AMDHD1: variants seen among roughly 807,000 people sequenced by gnomAD.
AMDHD1 encodes amidohydrolase domain containing 1.
In AMDHD1, 45 loss-of-function variants were observed where a neutral mutation model predicts 44.1. That is an observed-to-expected ratio of 1.02 (90% CI 0.80 to 1.31). AMDHD1 has a LOEUF of 1.31. AMDHD1 is among the 50% of genes most tolerant of loss of function. The probability of loss-of-function intolerance (pLI) is 0.00; values close to 1 mark genes in which losing one functional copy is unlikely to be tolerated. For missense variants in AMDHD1, 586 were observed against 552.1 expected (o/e 1.06, Z -0.61); for synonymous variants, 206 against 205.0 (o/e 1.00, Z -0.04).
chr12:95,953,061 A>G (rs141467841), intron 2 of AMDHD1, among the ~76,000 whole-genome samples: 32 of 152,342 alleles, frequency 2.1e-4, no homozygotes, highest in African/African-American at 7.7e-4. Flanking sequence ...ACAGATTAGA[A>G]AATTGAAGCT....
intron 2 of AMDHD1, among the ~76,000 whole-genome samples, chr12:95,953,567 T>C (rs969829359): frequency 1.3e-5 from 2 of 152,174 alleles, no homozygotes; most frequent in Non-Finnish European, 2.9e-5. Context: ...TGACAGAGCT[T>C]CTAACTGATG....
At chr12:95,959,497 C>T (rs1347720540) in intron 4 of AMDHD1, among the ~76,000 whole-genome samples, 1 of 152,136 alleles carries the variant, frequency 6.6e-6, no homozygotes, top group African/African-American at 2.4e-5. Flanking sequence ...CAGCCTCAAA[C>T]TCCTGGGCTC....
At chr12:95,945,785 T>G (rs200587458) in intron 1 of AMDHD1, among the ~76,000 whole-genome samples, 17 of 20,518 alleles carry the variant, frequency 8.3e-4, no homozygotes, top group East Asian at 0.1. Flanking sequence ...CAGTGTGTGT[T>G]TTTTTTTTTC....
At chr12:95,967,728 T>A in intron 8 of AMDHD1, 28 bp from the exon 9 acceptor site, 1 of 1,435,730 alleles carries the variant, frequency 7.0e-7, no homozygotes, top group Non-Finnish European at 9.4e-7. Flanking sequence ...ATTGAAGTAA[T>A]ATTTGTTGTT....
In AMDHD1 at chr12:95,967,281, A is replaced by G. The variant is rs183728404; in HGVS notation, c.1194-475A>G. Among the ~76,000 whole-genome samples, 526 of 152,352 alleles carry G rather than the reference A, an allele frequency of 3.5e-3. 4 individuals are homozygous for G. Among genetic ancestry groups the G allele is most frequent in the African/African-American group, 0.012 (502 of 41,586 alleles). On this transcript the variant is annotated intron_variant, in intron 8 of 8. Transcript: ENST00000266736. Reference sequence around the variant, plus strand: ...TACCTCCCACTGGGTCCCTCCCACAATGTGGGAATTATGGAAGCTACAATT... The same window carrying G: ...TACCTCCCACTGGGTCCCTCCCACAGTGTGGGAATTATGGAAGCTACAATT...
At chr12:95,946,059 C>CTGTGTG (rs62886262) in intron 1 of AMDHD1, among the ~76,000 whole-genome samples, 2,788 of 142,550 alleles carry the variant, frequency 0.02, 38 homozygotes, top group Middle Eastern at 0.038. Context: ...CTCTCTTTCT[C>CTGTGTG]TCTGTGTGTG....
Position 95,943,389 on chromosome 12 carries a change from G to T in AMDHD1, c.-10G>T. 6.7e-7 allele frequency: 1 copy of T among 1,488,202 alleles called. No homozygotes were observed. The highest frequency in any genetic ancestry group is 8.9e-7 in the Non-Finnish European group (1 of 1,125,652). The allele number at this position is 1,488,202 out of a possible 1,614,324, so 92.2% of individuals were successfully genotyped here. ...CGGTGGCCTCCCGGCGACCCTCGGC[G>T]CGAGGCGACATGGCAAGCGGCCACA... On this transcript the variant is annotated 5_prime_UTR_variant, in exon 1 of 9. Transcript: ENST00000266736.
At position 95,966,445 on chromosome 12, in the gene AMDHD1, C is replaced by T. The variant is rs1401944367; in HGVS notation, c.1130C>T (p.Ser377Phe). ...AATGCAGCTTATGCACTGGGAAAGT[C>T]TCACACACACGGATCGTTGGAAGTT... ...TINAAYALGK[S>F]HTHGSLEVGK... The change falls in exon 8 of 9, where the codon TCT becomes TTT. Residue 377 changes from serine to phenylalanine, a missense_variant. Coordinates refer to ENST00000266736, the MANE Select transcript of AMDHD1 (RefSeq NM_152435.3). 2.5e-6 allele frequency: 4 copies of T among 1,614,238 alleles called. No homozygotes were observed. The highest frequency in any genetic ancestry group is 3.4e-6 in the Non-Finnish European group (4 of 1,180,028).
chr12:95,943,622 G>T (rs2080477133), intron 1 of AMDHD1, 87 bp downstream of exon 1: 9 of 1,362,802 alleles, frequency 6.6e-6, no homozygotes, highest in Non-Finnish European at 8.5e-6. Context: ...GGGAAACAAC[G>T]CCGTGAAAGC....
intron 2 of AMDHD1, among the ~76,000 whole-genome samples, chr12:95,953,120 T>C (rs985001316): frequency 3.9e-5 from 6 of 152,110 alleles, no homozygotes; most frequent in African/African-American, 1.4e-4. Context: ...ACAGACAACC[T>C]AGGAATCAAG....
chr12:95,943,422 G>A lies in AMDHD1; in HGVS notation c.24G>A (p.Leu8=), dbSNP rs1168428666. 4.0e-6 allele frequency: 6 copies of A among 1,505,240 alleles called. No homozygotes were observed. Among genetic ancestry groups the A allele is most frequent in the Non-Finnish European group, 4.4e-6 (5 of 1,134,060 alleles). The allele number at this position is 1,505,240 out of a possible 1,614,324, so 93.2% of individuals were successfully genotyped here. A position where few individuals can be genotyped will look rare whatever the true frequency, so the allele number is the denominator to read the frequency against. Residue 8 remains leucine, a synonymous_variant, in exon 1 of 9, where the codon CTG becomes CTA. Coordinates refer to ENST00000266736, the MANE Select transcript of AMDHD1 (RefSeq NM_152435.3). MASGHSL[L]LENAQQVVLV... is the part of the protein sequence containing the mutation. ...ACATGGCAAGCGGCCACAGCCTCCTGCTGGAGAACGCGCAGCAAGTGGTGC... is the reference window on the plus strand; with the variant it reads ...ACATGGCAAGCGGCCACAGCCTCCTACTGGAGAACGCGCAGCAAGTGGTGC...
At chr12:95,963,124 T>A (rs1249521961) in intron 6 of AMDHD1, among the ~76,000 whole-genome samples, 1 of 152,210 alleles carries the variant, frequency 6.6e-6, no homozygotes, top group Non-Finnish European at 1.5e-5. Flanking sequence ...TATCCAAGAT[T>A]GTGGTCTGGG....
chr12:95,945,390 C>T (rs1045684308), intron 1 of AMDHD1, among the ~76,000 whole-genome samples: 2 of 152,040 alleles, frequency 1.3e-5, no homozygotes, highest in African/African-American at 2.4e-5. Flanking sequence ...ATGATTAGCT[C>T]GGTACAGGAT....
intron 1 of AMDHD1, among the ~76,000 whole-genome samples, chr12:95,949,737 A>C (rs916128114): frequency 6.6e-6 from 1 of 152,222 alleles, no homozygotes; most frequent in African/African-American, 2.4e-5. Context: ...ACTTAGTCAT[A>C]AATAGTGAAA....
chr12:95,950,942 GT>G (rs2080522968), intron 1 of AMDHD1, among the ~76,000 whole-genome samples: 1 of 152,138 alleles, frequency 6.6e-6, no homozygotes, highest in Non-Finnish European at 1.5e-5. Context: ...GACGTTTAAA[GT>G]TTTTTTAATT....
chr12:95,957,301 T>G (rs530084323), intron 4 of AMDHD1, among the ~76,000 whole-genome samples: 6 of 152,346 alleles, frequency 3.9e-5, no homozygotes, highest in African/African-American at 1.4e-4. Flanking sequence ...CTTTAGAAGT[T>G]AATAGTAATG....
intron 1 of AMDHD1, among the ~76,000 whole-genome samples, chr12:95,949,457 C>T (rs547761552): frequency 1.1e-4 from 17 of 152,216 alleles, no homozygotes; most frequent in Non-Finnish European, 2.4e-4. Context: ...AATTTTTCTT[C>T]CTAAATTTCT....
chr12:95,955,087 G>A (rs898943998), intron 3 of AMDHD1, 112 bp downstream of exon 3: 2 of 1,066,076 alleles, frequency 1.9e-6, no homozygotes, highest in Non-Finnish European at 2.8e-6. Context: ...TTTTTTAATG[G>A]ATATTTTTAC....
At chr12:95,964,226 G>A (rs1481754146) in intron 6 of AMDHD1, among the ~76,000 whole-genome samples, 6 of 151,918 alleles carry the variant, frequency 3.9e-5, no homozygotes, top group African/African-American at 9.7e-5. Flanking sequence ...AGGGGCAGTC[G>A]AAGTGAAGGC....
Sources: gnomAD v4.1 joint callset for allele counts (sites outside exome capture counted in the v4.1 genomes callset) on GRCh38, gnomAD v4.1.1 for gene constraint, MANE v1.5 for transcripts, NCBI Gene and HGNC (gene_info 2026-07-23, HGNC 2026-07-21) for gene names.